Variants in ZNF860 observed in about 807,000 individuals in gnomAD.
ZNF860 encodes the protein zinc finger protein 860.
For missense variants in ZNF860, 641 were observed against 759.2 expected, an observed-to-expected ratio of 0.84 and a Z score of 1.83; for synonymous variants, 206 against 248.9, an observed-to-expected ratio of 0.83 and a Z score of 1.62.
At chr3:31,987,895 G>C (rs1401054217) in intron 1 of ZNF860, among the ~76,000 whole-genome samples, 5 of 152,130 alleles carry the variant, frequency 3.3e-5, no homozygotes, top group African/African-American at 1.2e-4. Flanking sequence ...GATTTTCAGG[G>C]GAAAACATAG....
chr3:32,001,564 G>A, the ZNF860 span, among the ~76,000 whole-genome samples: 1 of 152,122 alleles, frequency 6.6e-6, no homozygotes, highest in Non-Finnish European at 1.5e-5. Context: ...GTAAAAACTG[G>A]TGCAAATAAG....
chr3:31,997,758 C>T, the ZNF860 span, among the ~76,000 whole-genome samples: 1 of 151,956 alleles, frequency 6.6e-6, no homozygotes, highest in Non-Finnish European at 1.5e-5. Flanking sequence ...CAACTTGCCT[C>T]GCTGAGCCTC....
At position 31,990,079 on chromosome 3, in the gene ZNF860, A is replaced by G; in HGVS notation, c.1000A>G (p.Arg334Gly). The G allele has an allele frequency of 2.5e-6, 4 of 1,614,038 alleles. No homozygotes were observed. The highest frequency in any genetic ancestry group is 3.4e-6 in the Non-Finnish European group (4 of 1,179,920). The stretch of plus-strand genomic sequence containing the variant: ...CAAATCAAATCTTGAAAGACATAGG[A>G]GAATTCATACTGGAGAGAAACCATA... ...SRKSNLERHR[R>G]IHTGEKPYKC... Residue 334 changes from arginine (R) to glycine (G), a missense_variant, in exon 2 of 2, where the codon AGA (arginine) becomes GGA (glycine). Coordinates refer to ENST00000360311, the MANE Select transcript of ZNF860 (RefSeq NM_001137674.3).
chr3:31,995,144 C>T (rs35841724), downstream of ZNF860, among the ~76,000 whole-genome samples: 51,236 of 152,054 alleles, frequency 0.34, 11,679 homozygotes, highest in African/African-American at 0.64. Context: ...CAGCAGTGCA[C>T]GTATTGTCTT....
In ZNF860 at chr3:31,991,077, T is replaced by C. The variant is rs1699022224; in HGVS notation, c.*99T>C. 8.6e-7 allele frequency: 1 copy of C among 1,166,436 alleles called. No individual in the cohort carries two copies. Among genetic ancestry groups the C allele is most frequent in the Admixed American group, 2.5e-5 (1 of 40,608 alleles). 72.3% of individuals were successfully genotyped at this position (1,166,436 alleles called of 1,614,324 possible). Reference sequence around the variant, plus strand: ...CATCAAGCATTAATTGACATTAGAGTCAATTCAGCATTGACTTGAGTTTCA... The same window carrying C: ...CATCAAGCATTAATTGACATTAGAGCCAATTCAGCATTGACTTGAGTTTCA... On this transcript the variant is annotated 3_prime_UTR_variant, in exon 2 of 2. Coordinates refer to ENST00000360311, the MANE Select transcript of ZNF860 (RefSeq NM_001137674.3).
chr3:31,990,662 A>T lies in ZNF860; in HGVS notation c.1583A>T (p.His528Leu). The change falls in exon 2 of 2, where the codon CAT becomes CTT. Residue 528 changes from histidine to leucine, a missense_variant. Transcript: ENST00000360311. ...VFNQQATLAR[H>L]HRLHTGEKPY... is the part of the protein sequence containing the mutation. Reference sequence around the variant, plus strand: ...AATCAACAAGCAACCCTTGCACGTCATCATAGACTTCATACTGGAGAGAAA... The same window carrying T: ...AATCAACAAGCAACCCTTGCACGTCTTCATAGACTTCATACTGGAGAGAAA... 6.2e-7 allele frequency: 1 copy of T among 1,614,216 alleles called. No individual in the cohort carries two copies. Among genetic ancestry groups the T allele is most frequent in the Non-Finnish European group, 8.5e-7 (1 of 1,180,028 alleles).
chr3:31,995,432 T>C (rs1031832498), downstream of ZNF860, among the ~76,000 whole-genome samples: 1 of 152,210 alleles, frequency 6.6e-6, no homozygotes, highest in Non-Finnish European at 1.5e-5. Flanking sequence ...ATTTATAGGC[T>C]CTCTGCAAGA....
the ZNF860 span, among the ~76,000 whole-genome samples, chr3:32,005,413 C>T: frequency 2.0e-5 from 3 of 151,724 alleles, no homozygotes; most frequent in Admixed American, 1.3e-4. Context: ...TGGAGATTAA[C>T]GTAGCATCTG....
chr3:31,987,824 C>G (rs139327422), intron 1 of ZNF860, among the ~76,000 whole-genome samples: 29 of 152,334 alleles, frequency 1.9e-4, no homozygotes, highest in African/African-American at 7.0e-4. Flanking sequence ...ATACTTCACA[C>G]TTTATGCAAA....
the ZNF860 span, among the ~76,000 whole-genome samples, chr3:32,000,231 C>T: frequency 6.6e-6 from 1 of 152,190 alleles, no homozygotes; most frequent in African/African-American, 2.4e-5. Flanking sequence ...GTAGCATGGT[C>T]ATGCTGACGT....
chr3:31,983,085 G>A (rs1045340869), intron 1 of ZNF860, among the ~76,000 whole-genome samples: 3 of 152,238 alleles, frequency 2.0e-5, no homozygotes, highest in Non-Finnish European at 4.4e-5. Context: ...TCCTAAGCCA[G>A]TTAGTGTTGG....
Position 31,990,373 on chromosome 3 carries a change from G to A in ZNF860, c.1294G>A (p.Gly432Ser). 1.9e-6 allele frequency: 3 copies of A among 1,614,040 alleles called. No homozygotes were observed. Among genetic ancestry groups the A allele is most frequent in the Non-Finnish European group, 2.5e-6 (3 of 1,179,990 alleles). Residue 432 changes from glycine to serine, a missense_variant, in exon 2 of 2, where the codon GGC becomes AGC. Gly to Ser is a moderately conservative substitution (Grantham distance 56). Transcript: ENST00000360311. ...EERSYKCNKCGKFFRRRSYLV... is the reference protein window; with the variant it reads ...EERSYKCNKCSKFFRRRSYLV... ...GAGATCTTACAAGTGTAATAAATGT[G>A]GCAAATTTTTTAGACGTCGTTCATA...
In ZNF860 at chr3:31,989,210, C is replaced by A. The variant is rs373931545; in HGVS notation, c.131C>A (p.Thr44Lys). 9 of 1,614,004 alleles carry A rather than the reference C, an allele frequency of 5.6e-6. No individual in the cohort carries two copies. Among genetic ancestry groups the A allele is most frequent in the Middle Eastern group, 1.6e-4 (1 of 6,084 alleles). Residue 44 changes from threonine to lysine, a missense_variant, in exon 2 of 2, where the codon ACG becomes AAG. Physicochemically the swap from Thr to Lys is moderately conservative, Grantham distance 78. Coordinates refer to ENST00000360311, the MANE Select transcript of ZNF860 (RefSeq NM_001137674.3). ...SLEEWKCLDP[T>K]QRALYRAMML... ...GAGGAGTGGAAATGCCTGGACCCTACGCAGAGGGCTTTATACAGGGCCATG... is the reference window on the plus strand; with the variant it reads ...GAGGAGTGGAAATGCCTGGACCCTAAGCAGAGGGCTTTATACAGGGCCATG...
chr3:31,990,768 G>A lies in ZNF860; in HGVS notation c.1689G>A (p.Glu563=), dbSNP rs1238384744. The part of the protein sequence containing the change: ...HETHKRIHTG[E]KPYKCDDFDE... ...CACATAAGAGAATTCATACTGGAGAGAAACCTTACAAATGTGATGATTTTG... is the reference window on the plus strand; with the variant it reads ...CACATAAGAGAATTCATACTGGAGAAAAACCTTACAAATGTGATGATTTTG... Residue 563 remains glutamate (E), a synonymous_variant, in exon 2 of 2, where the codon GAG becomes GAA. Coordinates refer to ENST00000360311, the MANE Select transcript of ZNF860 (RefSeq NM_001137674.3). 6.2e-7 allele frequency: 1 copy of A among 1,613,658 alleles called. No homozygotes were observed.
chr3:31,984,751 G>T (rs759795316), intron 1 of ZNF860, among the ~76,000 whole-genome samples: 5 of 152,146 alleles, frequency 3.3e-5, no homozygotes, highest in African/African-American at 1.2e-4. Context: ...AAACAAGGAG[G>T]GAATAGTTTT....
rs776856791 is a variant in ZNF860 at position 31,989,061 on chromosome 3, T to C, written c.-19T>C. ...CTCAGTGAAGGTCACACTGCAGCACTATTGATTTCTAAAGACTCATGTTAC... is the reference window on the plus strand; with the variant it reads ...CTCAGTGAAGGTCACACTGCAGCACCATTGATTTCTAAAGACTCATGTTAC... On this transcript the variant is annotated 5_prime_UTR_variant, in exon 2 of 2. Transcript: ENST00000360311. 6.2e-7 allele frequency: 1 copy of C among 1,613,780 alleles called. No individual in the cohort carries two copies. Among genetic ancestry groups the C allele is most frequent in the Non-Finnish European group, 8.5e-7 (1 of 1,179,866 alleles).
chr3:31,999,046 C>T, the ZNF860 span, among the ~76,000 whole-genome samples: 1 of 152,162 alleles, frequency 6.6e-6, no homozygotes, highest in Non-Finnish European at 1.5e-5. Flanking sequence ...TTTGTATCAG[C>T]CAGACAGTAA....
At chr3:31,988,607 G>GCT (rs373452340) in intron 1 of ZNF860, 53 bp from the exon 2 acceptor site, 26 of 170,948 alleles carry the variant, frequency 1.5e-4, no homozygotes, top group East Asian at 6.3e-4. Context: ...GTTCACTCTC[G>GCT]CTCTCTCTCT....
intron 1 of ZNF860, among the ~76,000 whole-genome samples, chr3:31,987,407 T>C (rs1201632534): frequency 2.0e-5 from 3 of 152,260 alleles, no homozygotes; most frequent in African/African-American, 7.2e-5. Context: ...AGAAATGTTC[T>C]TTAAATAACC....
Sources: gnomAD v4.1 joint callset for allele counts (sites outside exome capture counted in the v4.1 genomes callset) on GRCh38, gnomAD v4.1.1 for gene constraint, MANE v1.5 for transcripts, NCBI Gene and HGNC (gene_info 2026-07-23, HGNC 2026-07-21) for gene names.